The following SLC25A21 variants were observed in gnomAD, a reference collection of about 807,000 sequenced individuals.
SLC25A21 encodes the protein mitochondrial 2-oxodicarboxylate carrier.
SLC25A21 carries 47 observed loss-of-function variants against 43.8 expected under a neutral mutation model. The observed-to-expected ratio is 1.07, with a 90% CI of 0.85 to 1.37. The LOEUF (loss-of-function observed/expected upper bound fraction) is 1.37, where lower values mean the gene tolerates loss of function less well. Ranked by LOEUF, SLC25A21 falls within the 40% of genes most tolerant of loss-of-function variation. The probability of loss-of-function intolerance (pLI) is 0.00; values close to 1 mark genes in which losing one functional copy is unlikely to be tolerated. For missense variants in SLC25A21, 352 were observed against 350.2 expected (o/e 1.00, Z -0.04); for synonymous variants, 131 against 121.3 (o/e 1.08, Z -0.52).
intron 2 of SLC25A21, among the ~76,000 whole-genome samples, chr14:36,854,224 A>G (rs1056436889): frequency 1.3e-5 from 2 of 152,232 alleles, no homozygotes; most frequent in Non-Finnish European, 2.9e-5. Flanking sequence ...AAACGTGCAT[A>G]TGATATATTA....
chr14:37,172,294 G>C lies in SLC25A21; in HGVS notation c.57C>G (p.Ala19=), dbSNP rs772052893. Residue 19 remains alanine, a synonymous_variant, in exon 1 of 10, where the codon GCC becomes GCG. Coordinates refer to ENST00000331299, the MANE Select transcript of SLC25A21 (RefSeq NM_030631.4). The part of the protein sequence containing the change: ...LVREASRQIV[A]GGSAGLVEIC... ...GGCTGTCCTTACCTGCAGAACCACC[G>C]GCCACGATCTGCCGAGAAGCCTCGC... 3.1e-6 allele frequency: 5 copies of C among 1,599,012 alleles called. No homozygotes were observed. The highest frequency in any genetic ancestry group is 4.3e-6 in the Non-Finnish European group (5 of 1,173,218).
chr14:36,966,733 G>T (rs763252030), intron 1 of SLC25A21, among the ~76,000 whole-genome samples: 1 of 152,152 alleles, frequency 6.6e-6, no homozygotes, highest in Non-Finnish European at 1.5e-5. Context: ...TGTGGCAGTA[G>T]AATTCTTTCT....
At chr14:36,856,745 G>A (rs2138524437) in intron 2 of SLC25A21, among the ~76,000 whole-genome samples, 1 of 152,344 alleles carries the variant, frequency 6.6e-6, no homozygotes, top group Non-Finnish European at 1.5e-5. Context: ...GAATCTGAAT[G>A]AGGCAGGAAC....
intron 1 of SLC25A21, among the ~76,000 whole-genome samples, chr14:37,063,618 G>A (rs13329063): frequency 0.028 from 4,281 of 152,158 alleles, 83 homozygotes; most frequent in Middle Eastern, 0.048. Context: ...AATAGTTACC[G>A]TGGATTTGTG....
At chr14:36,707,436 G>C (rs1448986692) in intron 7 of SLC25A21, among the ~76,000 whole-genome samples, 1 of 152,102 alleles carries the variant, frequency 6.6e-6, no homozygotes, top group Non-Finnish European at 1.5e-5. Flanking sequence ...GTCATACTCA[G>C]ACCTGTTGAC....
chr14:36,751,766 AG>A (rs36086468), intron 3 of SLC25A21, among the ~76,000 whole-genome samples: 1 of 152,224 alleles, frequency 6.6e-6, no homozygotes, highest in Admixed American at 6.5e-5. Context: ...TCCAGAAGCT[AG>A]GGGGATCCAG....
At chr14:37,089,944 T>C (rs1375553432) in intron 1 of SLC25A21, among the ~76,000 whole-genome samples, 1 of 152,194 alleles carries the variant, frequency 6.6e-6, no homozygotes, top group African/African-American at 2.4e-5. Flanking sequence ...TTATGATGAA[T>C]GGTCTAAGCT....
chr14:36,902,706 A>T (rs1277694170), intron 1 of SLC25A21, among the ~76,000 whole-genome samples: 1 of 152,182 alleles, frequency 6.6e-6, no homozygotes, highest in Non-Finnish European at 1.5e-5. Flanking sequence ...TTCAAAAACT[A>T]CTTATTGTGG....
At chr14:37,117,181 T>G (rs986331875) in intron 1 of SLC25A21, among the ~76,000 whole-genome samples, 1 of 152,136 alleles carries the variant, frequency 6.6e-6, no homozygotes, top group African/African-American at 2.4e-5. Context: ...CTTTTGAAAT[T>G]TGGAATGCAG....
chr14:36,952,400 A>G (rs1892835184), intron 1 of SLC25A21: 1 of 152,306 alleles, frequency 6.6e-6, no homozygotes, highest in Non-Finnish European at 1.5e-5. Flanking sequence ...GTCAATTTCA[A>G]TTTGTGGGGA....
chr14:37,071,242 A>T (rs1201170583), intron 1 of SLC25A21, among the ~76,000 whole-genome samples: 1 of 152,232 alleles, frequency 6.6e-6, no homozygotes, highest in Non-Finnish European at 1.5e-5. Context: ...ATTTTTAAAA[A>T]TGTTAAATTA....
intron 1 of SLC25A21, among the ~76,000 whole-genome samples, chr14:37,006,891 C>T (rs566511670): frequency 3.7e-4 from 57 of 152,252 alleles, no homozygotes; most frequent in African/African-American, 1.3e-3. Context: ...GTAATATTTG[C>T]TAAGTTACTA....
At chr14:37,140,874 G>T (rs191580463) in intron 1 of SLC25A21, among the ~76,000 whole-genome samples, 53 of 152,146 alleles carry the variant, frequency 3.5e-4, no homozygotes, top group Non-Finnish European at 6.9e-4. Context: ...GCTGGGCACG[G>T]TAAGGCTCAC....
intron 1 of SLC25A21, among the ~76,000 whole-genome samples, chr14:37,067,593 C>T (rs560923471): frequency 9.7e-4 from 147 of 151,946 alleles, no homozygotes; most frequent in Non-Finnish European, 1.6e-3. Context: ...ATCTGAGATG[C>T]AAGAAGTAAT....
chr14:37,077,281 G>A (rs1369667200), intron 1 of SLC25A21, among the ~76,000 whole-genome samples: 1 of 152,120 alleles, frequency 6.6e-6, no homozygotes, highest in Non-Finnish European at 1.5e-5. Context: ...AATGTGTTTA[G>A]AAAAAATTCA....
chr14:36,856,735 G>C (rs984998497), intron 2 of SLC25A21, among the ~76,000 whole-genome samples: 1 of 152,200 alleles, frequency 6.6e-6, no homozygotes, highest in African/African-American at 2.4e-5. Context: ...AATTCTGCTA[G>C]AATCTGAATG....
At position 36,678,448 on chromosome 14, in the gene SLC25A21, T is replaced by A; in HGVS notation, c.*2210A>T. ...TCTCAGGGCCATAGTCTTCCTTTGA[T>A]CTTGTAAAACTTCCATTGACATCTG... is the stretch of plus-strand genomic sequence containing the variant. On this transcript the variant is annotated 3_prime_UTR_variant, in exon 10 of 10. Coordinates refer to ENST00000331299, the MANE Select transcript of SLC25A21 (RefSeq NM_030631.4). The A allele has an allele frequency of 6.7e-7, 1 of 1,494,774 alleles. No homozygotes were observed. The highest frequency in any genetic ancestry group is 9.0e-7 in the Non-Finnish European group (1 of 1,108,158). 92.6% of individuals were successfully genotyped at this position (1,494,774 alleles called of 1,614,324 possible). A position where few individuals can be genotyped will look rare whatever the true frequency, so the allele number is the denominator to read the frequency against.
chr14:36,876,926 T>C lies in SLC25A21; in HGVS notation c.71-1922A>G, dbSNP rs10147578. Among the ~76,000 whole-genome samples the C allele has an allele frequency of 7.2e-3, 1,001 of 139,140 alleles. 18 individuals carry two copies. The highest frequency in any genetic ancestry group is 0.025 in the African/African-American group (961 of 38,918). 91.3% of individuals were successfully genotyped at this position (139,140 alleles called of 152,430 possible). ...ATAGATAGATAGATAGATAGATAGATAGATAGATAGATACACACACACACA... is the reference window on the plus strand; with the variant it reads ...ATAGATAGATAGATAGATAGATAGACAGATAGATAGATACACACACACACA... On this transcript the variant is annotated intron_variant, in intron 1 of 9. Coordinates refer to ENST00000331299, the MANE Select transcript of SLC25A21 (RefSeq NM_030631.4).
intron 2 of SLC25A21, among the ~76,000 whole-genome samples, chr14:36,831,968 T>C (rs1417612012): frequency 6.6e-6 from 1 of 152,198 alleles, no homozygotes; most frequent in East Asian, 1.9e-4. Flanking sequence ...AAGTATAAAA[T>C]TTTAGAAAGA....
Sources: gnomAD v4.1 joint callset for allele counts (sites outside exome capture counted in the v4.1 genomes callset) on GRCh38, gnomAD v4.1.1 for gene constraint, MANE v1.5 for transcripts, NCBI Gene and HGNC (gene_info 2026-07-23, HGNC 2026-07-21) for gene names.